Variants in BNC2 observed in about 807,000 individuals in gnomAD.
The protein encoded by BNC2 is zinc finger protein basonuclin-2.
In BNC2, 20 loss-of-function variants were observed where a neutral mutation model predicts 76.3. The observed-to-expected ratio is 0.26, with a 90% confidence interval of 0.18 to 0.38. BNC2 has a LOEUF of 0.38. BNC2 is among the 10% of genes least tolerant of loss of function. The pLI, the probability that BNC2 is intolerant of heterozygous loss-of-function variation, is 1.00. For synonymous variants in BNC2, 582 were observed against 514.8 expected (o/e 1.13, Z -1.77); for missense variants, 1,382 against 1,399.8 (o/e 0.99, Z 0.20).
chr9:16,870,557 C>A, intron 1 of BNC2, 89 bp downstream of exon 1: 2 of 1,482,858 alleles, frequency 1.3e-6, no homozygotes, highest in Admixed American at 1.9e-5. Context: ...GCGGACACGG[C>A]CCCCGGGCGG....
chr9:16,725,971 C>T (rs1824303217), intron 3 of BNC2, among the ~76,000 whole-genome samples: 2 of 131,146 alleles, frequency 1.5e-5, no homozygotes, highest in Non-Finnish European at 3.2e-5. Context: ...AGACGTAAGC[C>T]AATCTTCCCT....
chr9:16,506,054 T>G (rs960700986), intron 5 of BNC2, among the ~76,000 whole-genome samples: 1 of 152,166 alleles, frequency 6.6e-6, no homozygotes, highest in African/African-American at 2.4e-5. Context: ...GAAAAGCCAG[T>G]TGACGAAACT....
intron 1 of BNC2, among the ~76,000 whole-genome samples, chr9:16,808,225 C>T (rs1469112999): frequency 6.6e-6 from 1 of 152,084 alleles, no homozygotes; most frequent in African/African-American, 2.4e-5. Flanking sequence ...GAAATACACA[C>T]TAATAGAATA....
intron 3 of BNC2, among the ~76,000 whole-genome samples, chr9:16,661,258 G>A (rs898360717): frequency 1.2e-4 from 18 of 152,064 alleles, no homozygotes; most frequent in Non-Finnish European, 8.8e-5. Context: ...AAAAACCCTA[G>A]GTTTTAAGTC....
chr9:16,451,602 A>G (rs1821341275), intron 5 of BNC2, among the ~76,000 whole-genome samples: 1 of 152,118 alleles, frequency 6.6e-6, no homozygotes, highest in African/African-American at 2.4e-5. Context: ...CCTGAACACT[A>G]CAAAATCTCA....
In BNC2 at chr9:16,861,181, A is replaced by AATATATATATATATATATATAT. The variant is rs71327866; in HGVS notation, c.3+9464_3+9465insATATATATATATATATATATAT. On this transcript the variant is annotated intron_variant, in intron 1 of 6. Transcript: ENST00000380672. ...ACATGGTAATACCCTATCTCTACAA[A>AATATATATATATATATATATAT]ATATATATATATATATATATAAATT... Among the ~76,000 whole-genome samples the AATATATATATATATATATATAT allele has an allele frequency of 8.9e-4, 117 of 131,752 alleles. 2 individuals carry two copies. The highest frequency in any genetic ancestry group is 3.8e-3 in the East Asian group (17 of 4,498). The allele number at this position is 131,752 out of a possible 152,430, so 86.4% of individuals were successfully genotyped here.
intron 1 of BNC2, among the ~76,000 whole-genome samples, chr9:16,774,250 T>C (rs1825904811): frequency 6.6e-6 from 1 of 152,216 alleles, no homozygotes; most frequent in Admixed American, 6.5e-5. Flanking sequence ...CCCAAAGTGC[T>C]GGGATTACAG....
chr9:16,804,803 C>A (rs575261247), intron 1 of BNC2, among the ~76,000 whole-genome samples: 1 of 152,280 alleles, frequency 6.6e-6, no homozygotes, highest in Non-Finnish European at 1.5e-5. Flanking sequence ...GTGGCTCACG[C>A]CTGTAATCCC....
At chr9:16,636,677 T>C (rs113945930) in intron 3 of BNC2, among the ~76,000 whole-genome samples, 52 of 152,192 alleles carry the variant, frequency 3.4e-4, no homozygotes, top group African/African-American at 1.2e-3. Flanking sequence ...CAGTAACAGA[T>C]TCCAAATCTA....
chr9:16,469,949 T>G (rs1472039616), intron 5 of BNC2, among the ~76,000 whole-genome samples: 1 of 151,648 alleles, frequency 6.6e-6, no homozygotes, highest in Non-Finnish European at 1.5e-5. Flanking sequence ...AAGAAATTTC[T>G]AAGCAGCAAA....
intron 3 of BNC2, among the ~76,000 whole-genome samples, chr9:16,629,887 T>G (rs1322492855): frequency 2.6e-5 from 4 of 152,222 alleles, no homozygotes; most frequent in South Asian, 2.1e-4. Context: ...AGGGTGGTGG[T>G]TGATGAAGAC....
intron 5 of BNC2, among the ~76,000 whole-genome samples, chr9:16,526,855 A>G (rs147942256): frequency 1.4e-4 from 22 of 152,338 alleles, no homozygotes; most frequent in African/African-American, 4.8e-4. Flanking sequence ...CTTACAATCC[A>G]GTAGGAGAAA....
At chr9:16,717,198 C>T (rs1030590131) in intron 3 of BNC2, among the ~76,000 whole-genome samples, 9 of 152,198 alleles carry the variant, frequency 5.9e-5, no homozygotes, top group African/African-American at 2.2e-4. Context: ...CAAACCATTT[C>T]TTACGATGCA....
At chr9:16,809,216 A>G (rs1269581438) in intron 1 of BNC2, among the ~76,000 whole-genome samples, 1 of 152,150 alleles carries the variant, frequency 6.6e-6, no homozygotes, top group Admixed American at 6.5e-5. Flanking sequence ...TAGAGGAAGA[A>G]CTGTTGACAA....
chr9:16,820,020 G>T (rs1045405666), intron 1 of BNC2, among the ~76,000 whole-genome samples: 1 of 150,458 alleles, frequency 6.6e-6, no homozygotes, highest in Non-Finnish European at 1.5e-5. Flanking sequence ...AGCTACTCAG[G>T]AGGCTGAGGC....
At chr9:16,544,510 G>A (rs954335296) in intron 5 of BNC2, among the ~76,000 whole-genome samples, 2 of 152,098 alleles carry the variant, frequency 1.3e-5, no homozygotes, top group African/African-American at 4.8e-5. Context: ...AAATGACAGT[G>A]TCATATATAG....
At chr9:16,420,941 A>C (rs891263277) in intron 6 of BNC2, among the ~76,000 whole-genome samples, 2 of 152,232 alleles carry the variant, frequency 1.3e-5, no homozygotes, top group Non-Finnish European at 2.9e-5. Flanking sequence ...CTACAGATAC[A>C]TAAAAGCTTC....
intron 3 of BNC2, among the ~76,000 whole-genome samples, chr9:16,700,057 T>C (rs1403137894): frequency 6.6e-6 from 1 of 152,230 alleles, no homozygotes. Flanking sequence ...TATATGCCTG[T>C]ATGATATGTA....
At chr9:16,725,688 T>C (rs1160815547) in intron 3 of BNC2, among the ~76,000 whole-genome samples, 1 of 149,832 alleles carries the variant, frequency 6.7e-6, no homozygotes, top group Admixed American at 6.7e-5. Context: ...ATTACACATA[T>C]ATGCACACAC....
Sources: allele counts gnomAD v4.1 joint callset (sites outside exome capture counted in the v4.1 genomes callset), GRCh38; gene constraint gnomAD v4.1.1; transcripts MANE v1.5; gene names NCBI Gene and HGNC (gene_info 2026-07-23, HGNC 2026-07-21).